Variants in AMD1 observed in about 807,000 individuals in gnomAD.
The protein encoded by AMD1 is S-adenosylmethionine decarboxylase proenzyme.
In AMD1, 11 loss-of-function variants were observed where a neutral mutation model predicts 40.2. The observed-to-expected ratio is 0.27, with a 90% CI of 0.17 to 0.45. AMD1 has a LOEUF of 0.45. AMD1 is among the 20% of genes least tolerant of loss of function. The probability of loss-of-function intolerance (pLI) is 1.00; values close to 1 mark genes in which losing one functional copy is unlikely to be tolerated. For synonymous variants in AMD1, 121 were observed against 130.8 expected (o/e 0.93, Z 0.51); for missense variants, 257 against 410.2 (o/e 0.63, Z 3.23).
the AMD1 span, among the ~76,000 whole-genome samples, chr6:110,819,186 C>A: frequency 6.6e-6 from 1 of 152,052 alleles, no homozygotes; most frequent in Admixed American, 6.6e-5. Context: ...GGAGAAACCC[C>A]GTCTCTACTA....
the AMD1 span, among the ~76,000 whole-genome samples, chr6:110,850,758 G>A: frequency 5.3e-5 from 8 of 152,166 alleles, no homozygotes; most frequent in Non-Finnish European, 8.8e-5. Context: ...TCAAAGCAGA[G>A]CAGCTGGAGG....
chr6:110,881,955 A>G (rs748874384), intron 1 of AMD1, among the ~76,000 whole-genome samples: 1 of 152,162 alleles, frequency 6.6e-6, no homozygotes, highest in Non-Finnish European at 1.5e-5. Flanking sequence ...ATTCTGCTTT[A>G]TATCCATCAA....
At chr6:110,815,489 G>C in the AMD1 span, 1 of 181,044 alleles carries the variant, frequency 5.5e-6, no homozygotes, top group South Asian at 1.6e-4. Flanking sequence ...CATGGTCGCG[G>C]AGGCTCCTGG....
At chr6:110,841,626 G>C in the AMD1 span, among the ~76,000 whole-genome samples, 1 of 151,772 alleles carries the variant, frequency 6.6e-6, no homozygotes, top group African/African-American at 2.4e-5. Context: ...TCCAGCCAAT[G>C]GAGGCAAGAC....
chr6:110,884,413 T>TAA (rs901316309), intron 1 of AMD1, among the ~76,000 whole-genome samples: 1 of 152,180 alleles, frequency 6.6e-6, no homozygotes, highest in African/African-American at 2.4e-5. Context: ...GACTTTAAAG[T>TAA]ATCTGTGCTA....
chr6:110,893,472 C>T lies in AMD1; in HGVS notation c.865-4C>T. Reference sequence around the variant, plus strand: ...ACTAACGGTTATTTAATTTTTTCCCCCAGAGTTCTAAATGTCGCACAGTGC... The same window carrying T: ...ACTAACGGTTATTTAATTTTTTCCCTCAGAGTTCTAAATGTCGCACAGTGC... On this transcript the variant is annotated splice_region_variant and splice_polypyrimidine_tract_variant and intron_variant, in intron 8 of 8. Transcript: ENST00000368885. 1 of 1,611,508 alleles carries T rather than the reference C, an allele frequency of 6.2e-7. No individual in the cohort carries two copies. Among genetic ancestry groups the T allele is most frequent in the Non-Finnish European group, 8.5e-7 (1 of 1,179,132 alleles).
chr6:110,855,065 C>CTTTTTTTTTTTTTTTTTTTTTTTT, the AMD1 span, among the ~76,000 whole-genome samples: 7 of 80,464 alleles, frequency 8.7e-5, 1 homozygote, highest in Non-Finnish European at 1.2e-4. Context: ...CTCTCTCTCT[C>CTTTTTTTTTTTTTTTTTTTTTTTT]TTTTTTTTTT....
intron 1 of AMD1, 69 bp downstream of exon 1, chr6:110,875,284 G>C (rs1423791631): frequency 1.9e-5 from 24 of 1,266,602 alleles, no homozygotes; most frequent in African/African-American, 4.5e-5. Flanking sequence ...CACCAGCCAC[G>C]GGTGGAGCCC....
At chr6:110,815,202 C>A in the AMD1 span, 1 of 1,458,518 alleles carries the variant, frequency 6.9e-7, no homozygotes, top group East Asian at 2.7e-5. Flanking sequence ...CCTCCTCCTC[C>A]CCCCGCGACC....
chr6:110,889,408 G>C (rs1785882680), intron 3 of AMD1: 1 of 152,334 alleles, frequency 6.6e-6, no homozygotes, highest in African/African-American at 2.4e-5. Flanking sequence ...TTTTACCTAG[G>C]GTATAATTTT....
At position 110,887,739 on chromosome 6, in the gene AMD1, G is replaced by A. The variant is rs1372718170; in HGVS notation, c.197+148G>A. The A allele has an allele frequency of 2.3e-5, 12 of 517,702 alleles. No homozygotes were observed. The East Asian group carries it at 4.1e-4, about 18-fold the overall frequency. 32.1% of individuals were successfully genotyped at this position (517,702 alleles called of 1,614,324 possible). ...GAGTTTCAGTCACCCAGGCTGGAGT[G>A]CAATGGCGCCATGTCAGCTCACTGC... On this transcript the variant is annotated intron_variant, in intron 2 of 8. Transcript: ENST00000368885.
the AMD1 span, among the ~76,000 whole-genome samples, chr6:110,824,242 T>TA: frequency 6.6e-6 from 1 of 152,162 alleles, no homozygotes; most frequent in Non-Finnish European, 1.5e-5. Context: ...CACTCATTCA[T>TA]AAAAAAGAAT....
Position 110,894,574 on chromosome 6 carries a change from AACTT to A in AMD1, c.*960_*963del, listed in dbSNP as rs1361548835. Reference sequence around the variant, plus strand: ...GTCTAATGAGTAGCACCCCTTTACTAACTTAGTAGTAGTATAAAATCATTTTTAT... The same window carrying A: ...GTCTAATGAGTAGCACCCCTTTACTAAGTAGTAGTATAAAATCATTTTTAT... On this transcript the variant is annotated 3_prime_UTR_variant, in exon 9 of 9. Coordinates refer to ENST00000368885, the MANE Select transcript of AMD1 (RefSeq NM_001634.6). The A allele has an allele frequency of 8.5e-5, 13 of 152,330 alleles. No homozygotes were observed. The highest frequency in any genetic ancestry group is 3.9e-4 in the Admixed American group (6 of 15,296). 9.4% of individuals were successfully genotyped at this position (152,330 alleles called of 1,614,324 possible).
the AMD1 span, among the ~76,000 whole-genome samples, chr6:110,866,424 T>C: frequency 6.6e-6 from 1 of 152,198 alleles, no homozygotes; most frequent in African/African-American, 2.4e-5. Context: ...TACAAATTTA[T>C]TTAACAAGTA....
At chr6:110,824,890 A>G in the AMD1 span, among the ~76,000 whole-genome samples, 3,122 of 151,862 alleles carry the variant, frequency 0.021, 91 homozygotes, top group African/African-American at 0.073. Context: ...TGAGGAAGGT[A>G]TGTTTTATCT....
intron 1 of AMD1, among the ~76,000 whole-genome samples, chr6:110,886,296 A>G (rs1003038813): frequency 6.6e-6 from 1 of 151,948 alleles, no homozygotes; most frequent in Non-Finnish European, 1.5e-5. Flanking sequence ...TAAGGCTTAA[A>G]AATTTTTCTT....
At chr6:110,887,468 A>C in intron 1 of AMD1, 37 bp from the exon 2 acceptor site, 2 of 1,486,334 alleles carry the variant, frequency 1.3e-6, no homozygotes, top group South Asian at 1.2e-5. Flanking sequence ...GGTGGGTACT[A>C]TTGTGGATTA....
the AMD1 span, among the ~76,000 whole-genome samples, chr6:110,834,569 T>C: frequency 6.6e-6 from 1 of 152,052 alleles, no homozygotes; most frequent in Non-Finnish European, 1.5e-5. Context: ...ATGCCTATAC[T>C]CCCAGCACTT....
intron 1 of AMD1, among the ~76,000 whole-genome samples, chr6:110,886,139 C>G (rs1306168419): frequency 6.6e-6 from 1 of 151,140 alleles, no homozygotes; most frequent in Non-Finnish European, 1.5e-5. Flanking sequence ...CCTGTAATCC[C>G]AGCTGCTTGG....
Sources: allele counts gnomAD v4.1 joint callset (sites outside exome capture counted in the v4.1 genomes callset), GRCh38; gene constraint gnomAD v4.1.1; transcripts MANE v1.5; gene names NCBI Gene and HGNC (gene_info 2026-07-23, HGNC 2026-07-21).